Variants in DOP1B observed in about 807,000 individuals in gnomAD.
The protein encoded by DOP1B is DOP1 leucine zipper like protein B, also known as protein DOP1B.
DOP1B carries 174 observed loss-of-function variants against 233.5 expected under a neutral mutation model. The ratio of observed to expected loss-of-function variants is 0.75; its 90% CI spans 0.66 to 0.85. DOP1B has a LOEUF of 0.85. Among genes scored for constraint, DOP1B ranks in the 40% least tolerant of loss-of-function variants. The pLI, the probability that DOP1B is intolerant of heterozygous loss-of-function variation, is 0.00. For synonymous variants in DOP1B, 1,190 were observed against 1,185.6 expected, an observed-to-expected ratio of 1.00 and a Z score of -0.08; for missense variants, 2,652 against 2,846.6, an observed-to-expected ratio of 0.93 and a Z score of 1.56.
At position 36,219,475 on chromosome 21, in the gene DOP1B, T is replaced by C; in HGVS notation, c.1233T>C (p.Ser411=). ...ATCTTAAACTTAGCTACACCCAGAGTGGAAATTCGCTGATAAGGTATGGGT... is the reference window on the plus strand; with the variant it reads ...ATCTTAAACTTAGCTACACCCAGAGCGGAAATTCGCTGATAAGGTATGGGT... ...GSDLKLSYTQ[S]GNSLISAIKE... The change falls in exon 10 of 37, where the codon AGT becomes AGC. Residue 411 remains serine, a synonymous_variant. Coordinates refer to ENST00000691173, the MANE Select transcript of DOP1B (RefSeq NM_001320714.2). 6.2e-7 allele frequency: 1 copy of C among 1,614,076 alleles called. No individual in the cohort carries two copies. Among genetic ancestry groups the C allele is most frequent in the Non-Finnish European group, 8.5e-7 (1 of 1,180,012 alleles).
intron 27 of DOP1B, among the ~76,000 whole-genome samples, chr21:36,272,141 C>A (rs2067295860): frequency 6.6e-6 from 1 of 151,984 alleles, no homozygotes; most frequent in South Asian, 2.1e-4. Context: ...ATCACAGTAC[C>A]TGCCACAGAG....
intron 7 of DOP1B, 87 bp downstream of exon 7, chr21:36,212,184 A>T: frequency 2.8e-6 from 4 of 1,416,332 alleles, no homozygotes; most frequent in Non-Finnish European, 3.7e-6. Context: ...GGTCTTGGTG[A>T]TGTATCTCTG....
intron 12 of DOP1B, 66 bp downstream of exon 12, chr21:36,225,733 C>T: frequency 6.7e-7 from 1 of 1,499,962 alleles, no homozygotes; most frequent in South Asian, 1.1e-5. Flanking sequence ...TGGTGATGGC[C>T]TGCTTTATCA....
chr21:36,276,840 C>CAAAAAAAAA (rs57389991), intron 27 of DOP1B, among the ~76,000 whole-genome samples, 181 bp from the exon 28 acceptor site: 1 of 106,258 alleles, frequency 9.4e-6, no homozygotes, highest in Non-Finnish European at 1.9e-5. Flanking sequence ...GACTCCATCT[C>CAAAAAAAAA]AAAAAAAAAA....
chr21:36,175,801 G>A (rs9984009), intron 2 of DOP1B: 70,756 of 150,904 alleles, frequency 0.47, 16,726 homozygotes, highest in African/African-American at 0.52. Context: ...TCAAAAAAAA[G>A]AAAGAAAAGA....
intron 30 of DOP1B, among the ~76,000 whole-genome samples, chr21:36,279,938 C>G (rs937874265): frequency 6.6e-6 from 1 of 152,184 alleles, no homozygotes; most frequent in Non-Finnish European, 1.5e-5. Context: ...TGCTATGGCA[C>G]AATCTCAGCT....
chr21:36,265,345 G>A (rs546244565), intron 26 of DOP1B, among the ~76,000 whole-genome samples: 17 of 151,450 alleles, frequency 1.1e-4, no homozygotes, highest in Admixed American at 3.3e-4. Flanking sequence ...ACAGTGAGCC[G>A]AGATCTCACC....
At chr21:36,219,106 AG>A (rs749275858) in intron 9 of DOP1B, among the ~76,000 whole-genome samples, 10 of 152,276 alleles carry the variant, frequency 6.6e-5, no homozygotes, top group Non-Finnish European at 1.5e-4. Context: ...GGCTGTTACG[AG>A]GGTTTAATAC....
intron 13 of DOP1B, among the ~76,000 whole-genome samples, chr21:36,228,536 G>A (rs148546811): frequency 0.017 from 2,584 of 152,196 alleles, 33 homozygotes; most frequent in South Asian, 0.043. Context: ...GGAGGCCGAG[G>A]CGGGCAGATC....
rs528207113 is a variant in DOP1B, at chr21:36,246,282, G to A, written c.4302G>A (p.Glu1434=). 3 of 1,613,942 alleles carry A rather than the reference G, an allele frequency of 1.9e-6. No individual in the cohort carries two copies. The South Asian group carries it at 3.3e-5, about 18-fold the overall frequency. ...TGGGTCAGGACCAGATCTGGAGTGA[G>A]CACCCGCTGCAGATTGAGCTGCTGA... The part of the protein sequence containing the change: ...INLGQDQIWS[E]HPLQIELLKL... Residue 1434 remains glutamate (E), a synonymous_variant, in exon 19 of 37, where the codon GAG becomes GAA. Coordinates refer to ENST00000691173, the MANE Select transcript of DOP1B (RefSeq NM_001320714.2). The surrounding 1 kb of genome is among the most constrained non-coding windows in gnomAD (Gnocchi z 5.1).
chr21:36,221,633 G>A (rs1407433068), intron 10 of DOP1B, among the ~76,000 whole-genome samples: 4 of 151,998 alleles, frequency 2.6e-5, no homozygotes, highest in African/African-American at 9.7e-5. Flanking sequence ...CTGGAGTGCA[G>A]TGATGTGGTC....
At chr21:36,217,954 G>C (rs1023131280) in intron 9 of DOP1B, among the ~76,000 whole-genome samples, 1 of 152,214 alleles carries the variant, frequency 6.6e-6, no homozygotes, top group Non-Finnish European at 1.5e-5. Context: ...TTGGCTCCAG[G>C]TCGTATTTTC....
Position 36,245,850 on chromosome 21 carries a change from T to C in DOP1B, c.3870T>C (p.Ile1290=). 2 of 1,613,786 alleles carry C rather than the reference T, an allele frequency of 1.2e-6. No individual in the cohort carries two copies. The highest frequency in any genetic ancestry group is 2.7e-5 in the African/African-American group (2 of 74,952). The change falls in exon 19 of 37, where the codon ATT becomes ATC. Residue 1290 remains isoleucine (I), a synonymous_variant. Transcript: ENST00000691173. This position sits in a 1 kb window ranked among gnomAD's most constrained non-coding sequence, Gnocchi z 5.5. Reference sequence around the variant, plus strand: ...TCGCTCGCCACCAGGAGGCCCTCATTGGCCAGAGTTTCTACGGAAAGCTCC... The same window carrying C: ...TCGCTCGCCACCAGGAGGCCCTCATCGGCCAGAGTTTCTACGGAAAGCTCC... ...NLLARHQEAL[I]GQSFYGKLQT...
At chr21:36,201,216 T>G (rs1474005455) in intron 4 of DOP1B, among the ~76,000 whole-genome samples, 1 of 152,132 alleles carries the variant, frequency 6.6e-6, no homozygotes, top group Non-Finnish European at 1.5e-5. Flanking sequence ...GATCACATTG[T>G]GTAATGAATT....
In DOP1B at chr21:36,281,463, C is replaced by T; in HGVS notation, c.6032-20C>T. The stretch of plus-strand genomic sequence containing the variant: ...ATTGTGGTTTTCTCACTAAGTAAAA[C>T]ATTGCTGTATTTATTCTAGACATGC... On this transcript the variant is annotated intron_variant, in intron 31 of 36. Coordinates refer to ENST00000691173, the MANE Select transcript of DOP1B (RefSeq NM_001320714.2). 1.9e-6 allele frequency: 3 copies of T among 1,570,554 alleles called. No individual in the cohort carries two copies. The highest frequency in any genetic ancestry group is 1.3e-5 in the African/African-American group (1 of 74,150).
intron 2 of DOP1B, among the ~76,000 whole-genome samples, chr21:36,188,602 T>A (rs2066194157): frequency 6.6e-6 from 1 of 152,208 alleles, no homozygotes; most frequent in African/African-American, 2.4e-5. Context: ...TGCAGCTTCC[T>A]TTCAGTGGCA....
rs752694158 is a variant in DOP1B, at chr21:36,246,005, G to A, written c.4025G>A (p.Arg1342Gln). ...TCGCACCGAGACATTCTCGGCAACCGGGACGTGCAGGTCAAAAGTGTCGAG... is the reference window on the plus strand; with the variant it reads ...TCGCACCGAGACATTCTCGGCAACCAGGACGTGCAGGTCAAAAGTGTCGAG... ...KVSHRDILGNRDVQVKSVEVL... is the reference protein window; with the variant it reads ...KVSHRDILGNQDVQVKSVEVL... The change falls in exon 19 of 37, where the codon CGG becomes CAG. Residue 1342 changes from arginine to glutamine, a missense_variant. Arg to Gln is a conservative substitution (Grantham distance 43). Coordinates refer to ENST00000691173, the MANE Select transcript of DOP1B (RefSeq NM_001320714.2). The surrounding 1 kb of genome is among the most constrained non-coding windows in gnomAD (Gnocchi z 5.1). 7.4e-6 allele frequency: 12 copies of A among 1,613,930 alleles called. No homozygotes were observed. Among genetic ancestry groups the A allele is most frequent in the South Asian group, 1.1e-5 (1 of 91,046 alleles).
chr21:36,180,184 TAAC>T (rs2066080208), intron 2 of DOP1B, among the ~76,000 whole-genome samples: 2 of 152,166 alleles, frequency 1.3e-5, no homozygotes, highest in African/African-American at 4.8e-5. Context: ...TTATAGGTAA[TAAC>T]AATTTAGATT....
At chr21:36,225,779 C>T (rs980737911) in intron 12 of DOP1B, 112 bp downstream of exon 12, 2 of 1,063,120 alleles carry the variant, frequency 1.9e-6, no homozygotes, top group Admixed American at 2.1e-5. Context: ...CATAAATATG[C>T]AACACTGTTT....
Sources: gnomAD v4.1 joint callset for allele counts (sites outside exome capture counted in the v4.1 genomes callset) on GRCh38, gnomAD v4.1.1 for gene constraint, Gnocchi (gnomAD v3.1) non-coding constraint, MANE v1.5 for transcripts, NCBI Gene and HGNC (gene_info 2026-07-23, HGNC 2026-07-21) for gene names.